PYGB: variants seen among roughly 807,000 people sequenced by gnomAD.
The protein encoded by PYGB is glycogen phosphorylase B.
PYGB carries 82 observed loss-of-function variants against 94.3 expected under a neutral mutation model. That is an observed-to-expected ratio of 0.87 (90% CI 0.73 to 1.04). The LOEUF is 1.04. PYGB is among the 50% of genes least tolerant of loss of function. The pLI is 0.00. For synonymous variants in PYGB, 488 were observed against 479.1 expected (o/e 1.02, Z -0.24); for missense variants, 1,132 against 1,158.2 (o/e 0.98, Z 0.33).
chr20:25,261,972 G>A (rs1243528299), intron 2 of PYGB, among the ~76,000 whole-genome samples: 1 of 152,136 alleles, frequency 6.6e-6, no homozygotes, highest in Non-Finnish European at 1.5e-5. Context: ...AAGAAATATG[G>A]GACTATGTGA....
chr20:25,248,606 C>T (rs1198864212), intron 1 of PYGB, among the ~76,000 whole-genome samples, 185 bp downstream of exon 1: 2 of 151,976 alleles, frequency 1.3e-5, no homozygotes, highest in South Asian at 2.1e-4. Context: ...CCGGGCGTCC[C>T]CTGCGCAGGG....
intron 16 of PYGB, among the ~76,000 whole-genome samples, chr20:25,291,779 G>A (rs2088469834): frequency 6.6e-6 from 1 of 152,076 alleles, no homozygotes; most frequent in Non-Finnish European, 1.5e-5. Flanking sequence ...TCAGGGCCCC[G>A]TTCTCCCCGG....
intron 11 of PYGB, 87 bp downstream of exon 11, chr20:25,281,199 GC>G: frequency 6.6e-7 from 1 of 1,517,288 alleles, no homozygotes; most frequent in East Asian, 2.3e-5. Flanking sequence ...CATGGACCCA[GC>G]TATATAGCAT....
At chr20:25,250,318 G>T (rs538095148) in intron 1 of PYGB, among the ~76,000 whole-genome samples, 1 of 152,196 alleles carries the variant, frequency 6.6e-6, no homozygotes, top group South Asian at 2.1e-4. Context: ...TGGGCTCAGG[G>T]ATTACGGAAA....
At chr20:25,267,834 T>C (rs1318403287) in intron 2 of PYGB, among the ~76,000 whole-genome samples, 1 of 152,178 alleles carries the variant, frequency 6.6e-6, no homozygotes, top group Non-Finnish European at 1.5e-5. Context: ...CCCAGCCTTT[T>C]TATGTCTTTC....
rs79750489 is a variant in PYGB, at chr20:25,296,306, C to G, written c.2380-64C>G. On this transcript the variant is annotated intron_variant, in intron 19 of 19. Coordinates refer to ENST00000216962, the MANE Select transcript of PYGB (RefSeq NM_002862.4). ...GGAAACAGTCCTAAAGTTCTGGAATCCCATGTTTTTAGCAGCCCCAAGCCC... is the reference window on the plus strand; with the variant it reads ...GGAAACAGTCCTAAAGTTCTGGAATGCCATGTTTTTAGCAGCCCCAAGCCC... The G allele has an allele frequency of 2.5e-4, 389 of 1,583,648 alleles. 1 individual carries two copies. In the African/African-American group the frequency reaches 4.5e-3, roughly 18 times the overall value.
intron 3 of PYGB, among the ~76,000 whole-genome samples, chr20:25,270,054 A>C (rs1407513598): frequency 6.6e-6 from 1 of 152,122 alleles, no homozygotes; most frequent in Non-Finnish European, 1.5e-5. Flanking sequence ...CCAGAACAAG[A>C]GTCCGCGAGG....
intron 16 of PYGB, among the ~76,000 whole-genome samples, chr20:25,292,037 G>A (rs1439044884): frequency 1.3e-5 from 2 of 152,096 alleles, no homozygotes; most frequent in African/African-American, 4.8e-5. Flanking sequence ...GAGCCGCTGG[G>A]GCTGATCAAG....
Position 25,278,310 on chromosome 20 carries a change from T to C in PYGB, c.856-9T>C, listed in dbSNP as rs200539393. The C allele has an allele frequency of 7.5e-6, 10 of 1,337,696 alleles. No homozygotes were observed. The highest frequency in any genetic ancestry group is 8.8e-6 in the Non-Finnish European group (9 of 1,018,186). 82.9% of individuals were successfully genotyped at this position (1,337,696 alleles called of 1,614,324 possible). ...GCCTGCACCCTCCAGCTTGCTCTGC[T>C]GTGTGCAGTTCTTTGAGGGGAAGGA... is the stretch of plus-strand genomic sequence containing the variant. On this transcript the variant is annotated splice_polypyrimidine_tract_variant and intron_variant, in intron 7 of 19. Coordinates refer to ENST00000216962, the MANE Select transcript of PYGB (RefSeq NM_002862.4).
At chr20:25,278,612 C>T in intron 8 of PYGB, 150 bp downstream of exon 8, 1 of 1,193,936 alleles carries the variant, frequency 8.4e-7, no homozygotes, top group Non-Finnish European at 1.1e-6. Context: ...AGGATCCCAC[C>T]TGGGCCCTCC....
Position 25,280,355 on chromosome 20 carries a change from G to A in PYGB, c.1182G>A (p.Glu394=), listed in dbSNP as rs2037828096. The part of the protein sequence containing the change: ...ALERWPVSMF[E]KLLPRHLEII... ...AGCGCTGGCCCGTGTCCATGTTTGAGAAGCTGCTGCCGCGGCACCTGGAGA... is the reference window on the plus strand; with the variant it reads ...AGCGCTGGCCCGTGTCCATGTTTGAAAAGCTGCTGCCGCGGCACCTGGAGA... The change falls in exon 10 of 20, where the codon GAG becomes GAA. Residue 394 remains glutamate, a synonymous_variant. Coordinates refer to ENST00000216962, the MANE Select transcript of PYGB (RefSeq NM_002862.4). 1 of 1,614,086 alleles carries A rather than the reference G, an allele frequency of 6.2e-7. No individual in the cohort carries two copies. Among genetic ancestry groups the A allele is most frequent in the African/African-American group, 1.3e-5 (1 of 74,956 alleles).
chr20:25,296,875 G>A lies in PYGB; in HGVS notation c.*353G>A, dbSNP rs1488955931. 1 of 221,950 alleles carries A rather than the reference G, an allele frequency of 4.5e-6. No individual in the cohort carries two copies. The allele number at this position is 221,950 out of a possible 1,614,324, so 13.7% of individuals were successfully genotyped here. On this transcript the variant is annotated 3_prime_UTR_variant, in exon 20 of 20. Transcript: ENST00000216962. ...TGCTATGTATTAGCCGATGTCTTTA[G>A]TGTTGAGCCTCTGGATTCTGGGGTC...
At chr20:25,267,452 G>A (rs2088227802) in intron 2 of PYGB, among the ~76,000 whole-genome samples, 2 of 152,224 alleles carry the variant, frequency 1.3e-5, no homozygotes, top group South Asian at 2.1e-4. Context: ...GTTATTGGGT[G>A]TACTGCAGTG....
chr20:25,288,850 T>C (rs955183176), intron 15 of PYGB, among the ~76,000 whole-genome samples: 2 of 152,226 alleles, frequency 1.3e-5, no homozygotes, highest in African/African-American at 4.8e-5. Context: ...GTTCACTTTA[T>C]TTACTATGAC....
At chr20:25,261,061 A>T (rs2092912408) in intron 2 of PYGB, among the ~76,000 whole-genome samples, 1 of 152,262 alleles carries the variant, frequency 6.6e-6, no homozygotes. Context: ...GGCAGGGCAT[A>T]GCTGAACAAA....
In PYGB at chr20:25,283,196, G is replaced by C; in HGVS notation, c.1539G>C (p.Leu513=). ...TCCAGAAAATTGGGGAGGAGTTCCT[G>C]ACTGACCTGAGCCAGCTGAAGAAGC... is the stretch of plus-strand genomic sequence containing the variant. ...TIVEKIGEEF[L]TDLSQLKKLL... is the part of the protein sequence containing the mutation. The change falls in exon 13 of 20, where the codon CTG becomes CTC. Residue 513 remains leucine, a synonymous_variant. Coordinates refer to ENST00000216962, the MANE Select transcript of PYGB (RefSeq NM_002862.4). 1 of 1,613,798 alleles carries C rather than the reference G, an allele frequency of 6.2e-7. No homozygotes were observed. Among genetic ancestry groups the C allele is most frequent in the African/African-American group, 1.3e-5 (1 of 75,028 alleles).
At chr20:25,253,104 A>G (rs1335713049) in intron 1 of PYGB, among the ~76,000 whole-genome samples, 2 of 152,260 alleles carry the variant, frequency 1.3e-5, no homozygotes, top group Non-Finnish European at 2.9e-5. Context: ...ACAAATAAGT[A>G]TATCTCATTA....
intron 15 of PYGB, 179 bp downstream of exon 15, chr20:25,288,662 G>A (rs1336041505): frequency 2.9e-6 from 2 of 699,624 alleles, no homozygotes; most frequent in East Asian, 5.5e-5. Flanking sequence ...AGAATGGGAT[G>A]GAAGCCTCCT....
chr20:25,282,445 C>A (rs1024626310), intron 12 of PYGB, among the ~76,000 whole-genome samples: 4 of 152,244 alleles, frequency 2.6e-5, no homozygotes, highest in African/African-American at 7.2e-5. Flanking sequence ...AGCTGACTGC[C>A]AGCTAGGCTG....
Sources: gnomAD v4.1 joint callset for allele counts (sites outside exome capture counted in the v4.1 genomes callset) on GRCh38, gnomAD v4.1.1 for gene constraint, MANE v1.5 for transcripts, NCBI Gene and HGNC (gene_info 2026-07-23, HGNC 2026-07-21) for gene names.